PPP3CA: variants seen among roughly 807,000 people sequenced by gnomAD.
PPP3CA encodes the protein CAM-PRP catalytic subunit.
PPP3CA carries 14 observed loss-of-function variants against 66.5 expected under a neutral mutation model. The ratio of observed to expected loss-of-function variants is 0.21; its 90% CI spans 0.14 to 0.33. The LOEUF is 0.33. Among genes scored for constraint, PPP3CA ranks in the 10% least tolerant of loss-of-function variants. PPP3CA has a pLI of 1.00. For missense variants in PPP3CA, 317 were observed against 639.5 expected, an observed-to-expected ratio of 0.50 and a Z score of 5.44; for synonymous variants, 232 against 226.2, an observed-to-expected ratio of 1.03 and a Z score of -0.23.
chr4:101,193,635 T>C (rs1384139449), intron 2 of PPP3CA, among the ~76,000 whole-genome samples: 1 of 152,172 alleles, frequency 6.6e-6, no homozygotes, highest in Non-Finnish European at 1.5e-5. Flanking sequence ...GACGGACAGA[T>C]GCAGGGAGTC....
At chr4:101,033,133 C>T (rs1307459745) in intron 11 of PPP3CA, among the ~76,000 whole-genome samples, 1 of 151,806 alleles carries the variant, frequency 6.6e-6, no homozygotes, top group Non-Finnish European at 1.5e-5. Flanking sequence ...ATTAAATAAC[C>T]ATGACTAAAT....
chr4:101,056,735 G>GAATA (rs1728238429), intron 10 of PPP3CA, among the ~76,000 whole-genome samples: 4 of 151,790 alleles, frequency 2.6e-5, no homozygotes, highest in African/African-American at 9.7e-5. Flanking sequence ...CAAGCAGCAG[G>GAATA]AGAGAGCCAG....
At chr4:101,045,475 C>A (rs1409549933) in intron 10 of PPP3CA, among the ~76,000 whole-genome samples, 1 of 152,050 alleles carries the variant, frequency 6.6e-6, no homozygotes, top group Non-Finnish European at 1.5e-5. Context: ...CTTGCAGGTA[C>A]AAGAAAAACT....
intron 1 of PPP3CA, among the ~76,000 whole-genome samples, chr4:101,240,450 C>T (rs1017078710): frequency 1.3e-5 from 2 of 151,994 alleles, no homozygotes; most frequent in Admixed American, 6.6e-5. Context: ...TAGAGAAACC[C>T]ATTACATGTC....
intron 8 of PPP3CA, among the ~76,000 whole-genome samples, chr4:101,069,486 C>T (rs1258157591): frequency 1.3e-5 from 2 of 152,066 alleles, no homozygotes; most frequent in African/African-American, 4.8e-5. Context: ...TTACAAGTCT[C>T]CTAAATAAAA....
At chr4:101,339,541 C>A (rs1214569629) in intron 1 of PPP3CA, among the ~76,000 whole-genome samples, 2 of 152,174 alleles carry the variant, frequency 1.3e-5, no homozygotes, top group Non-Finnish European at 2.9e-5. Context: ...TTCTCATACT[C>A]CATGCCCTGA....
At chr4:101,199,776 G>A (rs1245791575) in intron 1 of PPP3CA, among the ~76,000 whole-genome samples, 1 of 152,116 alleles carries the variant, frequency 6.6e-6, no homozygotes, top group African/African-American at 2.4e-5. Flanking sequence ...ACATGAAATT[G>A]TTTCTTTTTC....
At chr4:101,120,153 T>A (rs1322085820) in intron 2 of PPP3CA, among the ~76,000 whole-genome samples, 4 of 152,232 alleles carry the variant, frequency 2.6e-5, no homozygotes, top group Admixed American at 2.0e-4. Flanking sequence ...CCCTTACATA[T>A]CTTTCACTAG....
At chr4:101,307,540 G>C (rs1393928069) in intron 1 of PPP3CA, among the ~76,000 whole-genome samples, 2 of 152,004 alleles carry the variant, frequency 1.3e-5, no homozygotes, top group African/African-American at 4.8e-5. Context: ...AAAAGTTTTT[G>C]CTTAACAAAT....
intron 2 of PPP3CA, among the ~76,000 whole-genome samples, chr4:101,115,894 G>C (rs928066160): frequency 8.6e-5 from 13 of 151,802 alleles, no homozygotes; most frequent in Admixed American, 3.9e-4. Flanking sequence ...TAAAGTTTAC[G>C]AAAATTAGGT....
At chr4:101,229,280 T>A (rs1725882980) in intron 1 of PPP3CA, among the ~76,000 whole-genome samples, 1 of 151,372 alleles carries the variant, frequency 6.6e-6, no homozygotes, top group Non-Finnish European at 1.5e-5. Context: ...GAAAAATGCC[T>A]TGTGGTTTTG....
chr4:101,280,964 T>C (rs71613831), intron 1 of PPP3CA, among the ~76,000 whole-genome samples: 10 of 149,580 alleles, frequency 6.7e-5, no homozygotes, highest in African/African-American at 2.5e-4. Context: ...AAAGAAGAAA[T>C]AGGAAAAAAA....
intron 1 of PPP3CA, among the ~76,000 whole-genome samples, chr4:101,236,361 G>A (rs573446436): frequency 6.6e-6 from 1 of 152,078 alleles, no homozygotes; most frequent in African/African-American, 2.4e-5. Context: ...AGGTGGGAAA[G>A]AGCTTAGCAT....
At chr4:101,155,459 G>A (rs1369994343) in intron 2 of PPP3CA, among the ~76,000 whole-genome samples, 1 of 152,176 alleles carries the variant, frequency 6.6e-6, no homozygotes, top group Non-Finnish European at 1.5e-5. Context: ...CTTCCTGCAA[G>A]TGCTGTTCAT....
intron 10 of PPP3CA, among the ~76,000 whole-genome samples, chr4:101,043,577 C>T (rs1578398701): frequency 1.3e-5 from 2 of 151,894 alleles, no homozygotes; most frequent in African/African-American, 4.8e-5. Context: ...AAAAAACTCT[C>T]CTTTTCAAAT....
At chr4:101,336,159 G>T (rs998408349) in intron 1 of PPP3CA, among the ~76,000 whole-genome samples, 6 of 151,732 alleles carry the variant, frequency 4.0e-5, no homozygotes, top group Non-Finnish European at 7.4e-5. Context: ...AGCTTGCAAT[G>T]AGCCAAGATC....
intron 1 of PPP3CA, among the ~76,000 whole-genome samples, chr4:101,220,945 TTC>T (rs1381692456): frequency 6.6e-6 from 1 of 151,808 alleles, no homozygotes; most frequent in African/African-American, 2.4e-5. Flanking sequence ...AGTCCAACTA[TTC>T]TGTTTCTAGC....
chr4:101,102,714 TA>T (rs201918090), intron 3 of PPP3CA, among the ~76,000 whole-genome samples: 8 of 151,820 alleles, frequency 5.3e-5, no homozygotes, highest in African/African-American at 1.2e-4. Context: ...AAGTCTCTTG[TA>T]AAAAAAAATC....
At chr4:101,231,514 G>A (rs1000247580) in intron 1 of PPP3CA, among the ~76,000 whole-genome samples, 20 of 151,710 alleles carry the variant, frequency 1.3e-4, no homozygotes, top group Non-Finnish European at 7.4e-5. Flanking sequence ...ATGAAGACTA[G>A]CTTTTGTAAT....
Sources: gnomAD v4.1 joint callset for allele counts (sites outside exome capture counted in the v4.1 genomes callset) on GRCh38, gnomAD v4.1.1 for gene constraint, MANE v1.5 for transcripts, NCBI Gene and HGNC (gene_info 2026-07-23, HGNC 2026-07-21) for gene names.